DPYSL2: variants seen among roughly 807,000 people sequenced by gnomAD.
DPYSL2 encodes the protein dihydropyrimidinase like 2.
A neutral mutation model predicts 69.9 loss-of-function variants in DPYSL2; 13 were observed. The ratio of observed to expected loss-of-function variants is 0.19; its 90% CI spans 0.12 to 0.30. The LOEUF is 0.30. DPYSL2 is among the 10% of genes least tolerant of loss of function. The probability of loss-of-function intolerance (pLI) is 1.00; values close to 1 mark genes in which losing one functional copy is unlikely to be tolerated. For synonymous variants in DPYSL2, 326 were observed against 359.1 expected, an observed-to-expected ratio of 0.91 and a Z score of 1.04; for missense variants, 587 against 918.9, an observed-to-expected ratio of 0.64 and a Z score of 4.67.
chr8:26,647,408 C>A lies in DPYSL2; in HGVS notation c.1426-222C>A, dbSNP rs1803190406. On this transcript the variant is annotated intron_variant, in intron 10 of 13. Transcript: ENST00000521913. This position sits in a 1 kb window ranked among gnomAD's most constrained non-coding sequence, Gnocchi z 5.1. ...CTAACCCTGGAAGAACCCATCTAGCCCCTCATCTGTTCTCCATCTCTACCA... is the reference window on the plus strand; with the variant it reads ...CTAACCCTGGAAGAACCCATCTAGCACCTCATCTGTTCTCCATCTCTACCA... 6.6e-6 allele frequency among the ~76,000 whole-genome samples: 1 copy of A among 152,170 alleles called. No homozygotes were observed. The highest frequency in any genetic ancestry group is 1.5e-5 in the Non-Finnish European group (1 of 68,034).
Position 26,621,156 on chromosome 8 carries a change from G to A in DPYSL2, c.629-2987G>A, listed in dbSNP as rs913440585. 6.6e-6 allele frequency among the ~76,000 whole-genome samples: 1 copy of A among 152,056 alleles called. No homozygotes were observed. The highest frequency in any genetic ancestry group is 2.4e-5 in the African/African-American group (1 of 41,404). ...AAAGTGGACTATAGATAAAGAAATA[G>A]AATAAGGTATAATATATAGAAAAAA... On this transcript the variant is annotated intron_variant, in intron 3 of 13. Transcript: ENST00000521913. This position sits in a 1 kb window ranked among gnomAD's most constrained non-coding sequence, Gnocchi z 4.9.
At position 26,650,884 on chromosome 8, in the gene DPYSL2, A is replaced by C. The variant is rs1459436878; in HGVS notation, c.1597-1373A>C. On this transcript the variant is annotated intron_variant, in intron 11 of 13. Coordinates refer to ENST00000521913, the MANE Select transcript of DPYSL2 (RefSeq NM_001197293.3). The surrounding 1 kb of genome is among the most constrained non-coding windows in gnomAD (Gnocchi z 5.3). ...CGCCTGTGTGGTCCAGAACAATGTC[A>C]AGCTGAGAATTTACTGTAAAATGCC... Among the ~76,000 whole-genome samples, 1 of 152,198 alleles carries C rather than the reference A, an allele frequency of 6.6e-6. No homozygotes were observed. The highest frequency in any genetic ancestry group is 1.5e-5 in the Non-Finnish European group (1 of 68,034).
At position 26,597,749 on chromosome 8, in the gene DPYSL2, C is replaced by T. The variant is rs896501878; in HGVS notation, c.628+13766C>T. Reference sequence around the variant, plus strand: ...TCGGCCTCCCAAAGTGCTGGGATTACAGGCAAGAGCCACCGCACCTGGCCT... The same window carrying T: ...TCGGCCTCCCAAAGTGCTGGGATTATAGGCAAGAGCCACCGCACCTGGCCT... On this transcript the variant is annotated intron_variant, in intron 3 of 13. Transcript: ENST00000521913. This position sits in a 1 kb window ranked among gnomAD's most constrained non-coding sequence, Gnocchi z 5.2. Among the ~76,000 whole-genome samples, 5 of 150,016 alleles carry T rather than the reference C, an allele frequency of 3.3e-5. No homozygotes were observed. Among genetic ancestry groups the T allele is most frequent in the African/African-American group, 4.9e-5 (2 of 40,816 alleles).
chr8:26,579,891 G>GA (rs11427312), intron 1 of DPYSL2, among the ~76,000 whole-genome samples: 126,521 of 140,870 alleles, frequency 0.9, 56,840 homozygotes, highest in East Asian at 0.98. Flanking sequence ...AGTGTGGGGA[G>GA]AAAAAAAAAT....
In DPYSL2 at chr8:26,624,203, A is replaced by C; in HGVS notation, c.689A>C (p.Glu230Ala). Reference protein sequence around the residue: ...SLLAAFDQWREWADSKSCCDY... With the variant: ...SLLAAFDQWRAWADSKSCCDY... The stretch of plus-strand genomic sequence containing the variant: ...CTCGCTGCCTTTGACCAGTGGAGGG[A>C]ATGGGCCGACAGCAAGTCCTGCTGT... Residue 230 changes from glutamate (E) to alanine (A), a missense_variant, in exon 4 of 14, where the codon GAA (glutamate) becomes GCA (alanine). Physicochemically the swap from Glu to Ala is moderately radical, Grantham distance 107. Transcript: ENST00000521913. The surrounding 1 kb of genome is among the most constrained non-coding windows in gnomAD (Gnocchi z 4.7). 4 of 1,614,136 alleles carry C rather than the reference A, an allele frequency of 2.5e-6. No homozygotes were observed. Among genetic ancestry groups the C allele is most frequent in the Non-Finnish European group, 3.4e-6 (4 of 1,180,036 alleles).
intron 1 of DPYSL2, chr8:26,578,644 G>C: frequency 9.0e-7 from 1 of 1,116,708 alleles, no homozygotes; most frequent in Non-Finnish European, 1.1e-6. Flanking sequence ...CCTGGAGCTC[G>C]GATATTGTTC....
At chr8:26,599,649 A>G (rs1321642662) in intron 3 of DPYSL2, among the ~76,000 whole-genome samples, 4 of 149,880 alleles carry the variant, frequency 2.7e-5, no homozygotes, top group Admixed American at 1.3e-4. Flanking sequence ...ACATGAGTAT[A>G]CTGACTCTAA....
At chr8:26,541,386 C>G (rs1800682480) in intron 1 of DPYSL2, among the ~76,000 whole-genome samples, 1 of 152,186 alleles carries the variant, frequency 6.6e-6, no homozygotes, top group African/African-American at 2.4e-5. Flanking sequence ...ACCTAACTTA[C>G]TTATCATTTA....
chr8:26,578,413 T>A, intron 1 of DPYSL2: 1 of 1,564,696 alleles, frequency 6.4e-7, no homozygotes, highest in South Asian at 1.2e-5. Flanking sequence ...TTCCTTTCTG[T>A]TGCTAACGGA....
chr8:26,533,431 G>A lies in DPYSL2; in HGVS notation c.354+18752G>A, dbSNP rs1187191841. 1.3e-5 allele frequency among the ~76,000 whole-genome samples: 2 copies of A among 152,096 alleles called. No individual in the cohort carries two copies. The highest frequency in any genetic ancestry group is 1.5e-5 in the Non-Finnish European group (1 of 68,018). On this transcript the variant is annotated intron_variant, in intron 1 of 13. Coordinates refer to ENST00000521913, the MANE Select transcript of DPYSL2 (RefSeq NM_001197293.3). This position sits in a 1 kb window ranked among gnomAD's most constrained non-coding sequence, Gnocchi z 4.8. ...TACTTTTGGTATCCTATTTAAGAGC[G>A]TATTTCCTATTCCAAGGTCACAAAG...
rs1183183265 is a variant in DPYSL2, at chr8:26,517,042, A to C, written c.354+2363A>C. ...GAGTGCCAGCATCTCTGTGCATTCTAATTGGAAGCCCTGACGCAGAGAAAG... is the reference window on the plus strand; with the variant it reads ...GAGTGCCAGCATCTCTGTGCATTCTCATTGGAAGCCCTGACGCAGAGAAAG... On this transcript the variant is annotated intron_variant, in intron 1 of 13. Coordinates refer to ENST00000521913, the MANE Select transcript of DPYSL2 (RefSeq NM_001197293.3). The surrounding 1 kb of genome is among the most constrained non-coding windows in gnomAD (Gnocchi z 4.2). Among the ~76,000 whole-genome samples the C allele has an allele frequency of 6.6e-6, 1 of 152,140 alleles. No individual in the cohort carries two copies. The highest frequency in any genetic ancestry group is 1.5e-5 in the Non-Finnish European group (1 of 68,024).
intron 1 of DPYSL2, among the ~76,000 whole-genome samples, chr8:26,535,682 G>T (rs1757401509): frequency 6.6e-6 from 1 of 150,420 alleles, no homozygotes; most frequent in Non-Finnish European, 1.5e-5. Context: ...TTATGAACTG[G>T]GATGCAAACT....
chr8:26,552,560 G>A (rs539670392), intron 1 of DPYSL2, among the ~76,000 whole-genome samples: 1 of 152,176 alleles, frequency 6.6e-6, no homozygotes, highest in Admixed American at 6.5e-5. Flanking sequence ...TTTCCTACAG[G>A]TCTGGAGGCT....
At position 26,652,612 on chromosome 8, in the gene DPYSL2, C is replaced by T. The variant is rs1325358526; in HGVS notation, c.1776+176C>T. Among the ~76,000 whole-genome samples, 1 of 151,964 alleles carries T rather than the reference C, an allele frequency of 6.6e-6. No homozygotes were observed. The highest frequency in any genetic ancestry group is 1.5e-5 in the Non-Finnish European group (1 of 67,990). ...TTAAAATACTGGAGAAGGAGTCAGT[C>T]GTGTCCACAGAGAGCCCTAGCAAAG... On this transcript the variant is annotated intron_variant, in intron 12 of 13. Coordinates refer to ENST00000521913, the MANE Select transcript of DPYSL2 (RefSeq NM_001197293.3). This position sits in a 1 kb window ranked among gnomAD's most constrained non-coding sequence, Gnocchi z 6.3.
chr8:26,532,211 C>G (rs1399797062), intron 1 of DPYSL2, among the ~76,000 whole-genome samples: 3 of 152,056 alleles, frequency 2.0e-5, no homozygotes, highest in Non-Finnish European at 4.4e-5. Flanking sequence ...TGGCAGGGAA[C>G]TTCTGTGAAC....
chr8:26,598,379 C>T lies in DPYSL2; in HGVS notation c.628+14396C>T, dbSNP rs994784149. ...ATGTTTTAGAGCTCCTCCTCTCCAT[C>T]TCCTGAATTTCTTTTCTTGCTAAGC... On this transcript the variant is annotated intron_variant, in intron 3 of 13. Coordinates refer to ENST00000521913, the MANE Select transcript of DPYSL2 (RefSeq NM_001197293.3). The surrounding 1 kb of genome is among the most constrained non-coding windows in gnomAD (Gnocchi z 4.2). Among the ~76,000 whole-genome samples the T allele has an allele frequency of 2.0e-5, 3 of 152,192 alleles. No homozygotes were observed. Among genetic ancestry groups the T allele is most frequent in the African/African-American group, 7.2e-5 (3 of 41,454 alleles).
At chr8:26,522,291 G>T (rs1246311272) in intron 1 of DPYSL2, among the ~76,000 whole-genome samples, 1 of 148,604 alleles carries the variant, frequency 6.7e-6, no homozygotes, top group Admixed American at 7.0e-5. Context: ...CTGGGCAACC[G>T]AGTGAGACTC....
intron 1 of DPYSL2, among the ~76,000 whole-genome samples, chr8:26,534,428 G>A (rs908444506): frequency 9.2e-5 from 14 of 151,944 alleles, no homozygotes; most frequent in African/African-American, 3.4e-4. Context: ...CAAAATACTA[G>A]GATTGTAGGC....
intron 3 of DPYSL2, among the ~76,000 whole-genome samples, chr8:26,622,998 G>T (rs1045837749): frequency 6.6e-6 from 1 of 152,188 alleles, no homozygotes; most frequent in African/African-American, 2.4e-5. Context: ...GCACAAGTTT[G>T]ATTTGACCTT....
Sources: gnomAD v4.1 joint callset for allele counts (sites outside exome capture counted in the v4.1 genomes callset) on GRCh38, gnomAD v4.1.1 for gene constraint, Gnocchi (gnomAD v3.1) non-coding constraint, MANE v1.5 for transcripts, NCBI Gene and HGNC (gene_info 2026-07-23, HGNC 2026-07-21) for gene names.